The following C8orf76 variants were observed in gnomAD, a reference collection of about 807,000 sequenced individuals.
C8orf76 encodes the protein uncharacterized protein C8orf76.
A neutral mutation model predicts 38.1 loss-of-function variants in C8orf76; 46 were observed. That is an observed-to-expected ratio of 1.21 (90% confidence interval 0.95 to 1.54). C8orf76 has a LOEUF of 1.54. C8orf76 is among the 40% of genes most tolerant of loss of function. The pLI, the probability that C8orf76 is intolerant of heterozygous loss-of-function variation, is 0.00. For missense variants in C8orf76, 461 were observed against 441.6 expected (o/e 1.04, Z -0.39); for synonymous variants, 166 against 167.5 (o/e 0.99, Z 0.07).
At chr8:123,236,938 C>G in intron 3 of C8orf76, 1 of 1,474,296 alleles carries the variant, frequency 6.8e-7, no homozygotes, top group Non-Finnish European at 9.5e-7. Flanking sequence ...ACAAGGAGGG[C>G]ATCCCACCTG....
chr8:123,231,553 A>T lies in C8orf76; in HGVS notation c.562T>A (p.Ser188Thr), dbSNP rs781128401. 6.2e-6 allele frequency: 10 copies of T among 1,614,248 alleles called. No homozygotes were observed. The highest frequency in any genetic ancestry group is 8.5e-6 in the Non-Finnish European group (10 of 1,180,056). The change falls in exon 4 of 6, where the codon TCT (serine) becomes ACT (threonine). Residue 188 changes from serine (S) to threonine (T), a missense_variant. Physicochemically the swap from Ser to Thr is moderately conservative, Grantham distance 58 (BLOSUM62 1). Transcript: ENST00000276704. ...GAGGTGAAACTGTGCTGTTTCTGAG[A>T]TGACGCAAGTGCTGCTGAAAGAGCT... Reference protein sequence around the residue: ...GPALSAALASSQKQHSFTSSD... With the variant: ...GPALSAALASTQKQHSFTSSD...
chr8:123,240,403 T>G (rs778723953), intron 1 of C8orf76, among the ~76,000 whole-genome samples: 6 of 152,218 alleles, frequency 3.9e-5, no homozygotes, highest in Non-Finnish European at 7.3e-5. Context: ...TCAGTACAAT[T>G]GTGAGGAACG....
At position 123,241,325 on chromosome 8, in the gene C8orf76, A is replaced by C. The variant is rs771141626; in HGVS notation, c.22T>G (p.Phe8Val). ...ACCGAGTCCTCGAACTCGCCGCCGA[A>C]CAACCAGCACCCGGAATCCATCTCG... Reference protein sequence around the residue: MDSGCWLFGGEFEDSVFE... With the variant: MDSGCWLVGGEFEDSVFE... Residue 8 changes from phenylalanine to valine, a missense_variant, in exon 1 of 6, where the codon TTC (phenylalanine) becomes GTC (valine). Physicochemically the swap from Phe to Val is conservative, Grantham distance 50 (BLOSUM62 -1). Transcript: ENST00000276704. The C allele has an allele frequency of 8.8e-5, 139 of 1,570,642 alleles. No individual in the cohort carries two copies. Among genetic ancestry groups the C allele is most frequent in the Non-Finnish European group, 1.1e-4 (130 of 1,164,084 alleles).
At chr8:123,236,725 G>C in intron 3 of C8orf76, 1 of 395,684 alleles carries the variant, frequency 2.5e-6, no homozygotes, top group Non-Finnish European at 4.7e-6. Context: ...CGGAGGTTGC[G>C]GCAAGCCGGG....
intron 3 of C8orf76, chr8:123,236,792 A>C: frequency 1.8e-6 from 1 of 559,984 alleles, no homozygotes; most frequent in South Asian, 2.0e-5. Flanking sequence ...TCAAAAAAAA[A>C]AAAAAAGAAA....
intron 5 of C8orf76, among the ~76,000 whole-genome samples, chr8:123,223,865 T>G (rs1249604181): frequency 3.9e-5 from 6 of 152,128 alleles, no homozygotes; most frequent in Non-Finnish European, 8.8e-5. Flanking sequence ...AAAGGACACA[T>G]ATGGCATGAT....
In C8orf76 at chr8:123,237,933, C is replaced by T; in HGVS notation, c.222G>A (p.Leu74=). The T allele has an allele frequency of 6.2e-7, 1 of 1,604,692 alleles. No homozygotes were observed. The highest frequency in any genetic ancestry group is 2.2e-5 in the East Asian group (1 of 44,768). Residue 74 remains leucine (L), a synonymous_variant, in exon 3 of 6, where the codon CTG becomes CTA. Transcript: ENST00000276704. The part of the protein sequence containing the change: ...AYRRQEYQKA[L]QEYSSISEKL... The stretch of plus-strand genomic sequence containing the variant: ...TTTCAGAGATACTGGAATACTCCTG[C>T]AGTGCTTTCTGGAAATTATTTGTTA...
At chr8:123,235,496 C>A (rs1031444534) in intron 3 of C8orf76, among the ~76,000 whole-genome samples, 7 of 152,108 alleles carry the variant, frequency 4.6e-5, no homozygotes, top group Non-Finnish European at 8.8e-5. Flanking sequence ...CACAGCTTAC[C>A]AGGAAATGAG....
At chr8:123,239,353 C>T (rs1413501748) in intron 1 of C8orf76, 3 of 477,082 alleles carry the variant, frequency 6.3e-6, no homozygotes, top group Non-Finnish European at 1.1e-5. Flanking sequence ...GTGTGAGCCA[C>T]CGCACCCAGC....
intron 1 of C8orf76, 85 bp downstream of exon 1, chr8:123,241,145 A>G (rs2131170607): frequency 7.3e-7 from 1 of 1,360,974 alleles, no homozygotes; most frequent in Non-Finnish European, 9.6e-7. Context: ...GTTCGCGCGG[A>G]CGGAGGGGCC....
In C8orf76 at chr8:123,231,764, A is replaced by T. The variant is rs2131148644; in HGVS notation, c.358-7T>A. ...TGTTGGTTGCTTTATTTTCCTAAGG[A>T]GAAAAAAAAAAGGTTAAGAAGTTTA... On this transcript the variant is annotated splice_region_variant and splice_polypyrimidine_tract_variant and intron_variant, in intron 3 of 5. Transcript: ENST00000276704. 6.5e-7 allele frequency: 1 copy of T among 1,549,866 alleles called. No individual in the cohort carries two copies. The highest frequency in any genetic ancestry group is 8.6e-7 in the Non-Finnish European group (1 of 1,159,118).
chr8:123,228,040 C>T (rs1391779793), intron 4 of C8orf76, among the ~76,000 whole-genome samples: 6 of 152,156 alleles, frequency 3.9e-5, no homozygotes, highest in Admixed American at 6.5e-5. Context: ...ATCGGCTCTG[C>T]TCATCCTCCC....
chr8:123,221,907 T>C (rs1344233600), intron 5 of C8orf76, among the ~76,000 whole-genome samples: 1 of 152,024 alleles, frequency 6.6e-6, no homozygotes, highest in Non-Finnish European at 1.5e-5. Flanking sequence ...AGACCCCACC[T>C]CCAAAAAAAA....
At chr8:123,237,752 C>A (rs775697344) in intron 3 of C8orf76, 46 bp downstream of exon 3, 14 of 1,545,426 alleles carry the variant, frequency 9.1e-6, no homozygotes, top group African/African-American at 1.4e-5. Flanking sequence ...ACCATTCGAC[C>A]ACCCTTATAG....
At chr8:123,220,541 T>C (rs1238399429) in intron 5 of C8orf76, among the ~76,000 whole-genome samples, 1 of 152,202 alleles carries the variant, frequency 6.6e-6, no homozygotes, top group African/African-American at 2.4e-5. Flanking sequence ...AAATATCCCA[T>C]ATTTCTACCC....
At chr8:123,220,475 A>G (rs1219917474) in intron 5 of C8orf76, among the ~76,000 whole-genome samples, 178 bp from the exon 6 acceptor site, 1 of 151,482 alleles carries the variant, frequency 6.6e-6, no homozygotes, top group Non-Finnish European at 1.5e-5. Flanking sequence ...TGGCCATACC[A>G]CCCTGACTGT....
At chr8:123,227,882 A>G (rs1825103770) in intron 4 of C8orf76, among the ~76,000 whole-genome samples, 1 of 152,202 alleles carries the variant, frequency 6.6e-6, no homozygotes, top group Non-Finnish European at 1.5e-5. Flanking sequence ...TGTCTGCTTC[A>G]GTCTGACCTG....
chr8:123,220,974 T>C (rs916763183), intron 5 of C8orf76, among the ~76,000 whole-genome samples: 2 of 152,242 alleles, frequency 1.3e-5, no homozygotes, highest in East Asian at 1.9e-4. Flanking sequence ...TTTCATACCA[T>C]CTGTCACGAA....
At chr8:123,228,818 C>T (rs1370547327) in intron 4 of C8orf76, among the ~76,000 whole-genome samples, 1 of 152,200 alleles carries the variant, frequency 6.6e-6, no homozygotes, top group African/African-American at 2.4e-5. Flanking sequence ...CTACTACATA[C>T]CATGCAGGAC....
Sources: gnomAD v4.1 joint callset for allele counts (sites outside exome capture counted in the v4.1 genomes callset) on GRCh38, gnomAD v4.1.1 for gene constraint, MANE v1.5 for transcripts, NCBI Gene and HGNC (gene_info 2026-07-23, HGNC 2026-07-21) for gene names.